CACNA1A: variants seen among roughly 807,000 people sequenced by gnomAD.
CACNA1A encodes calcium voltage-gated channel subunit alpha1 A, also known as voltage-dependent P/Q-type calcium channel subunit alpha-1A.
CACNA1A carries 57 observed loss-of-function variants against 262.4 expected under a neutral mutation model. That is an observed-to-expected ratio of 0.22 (90% CI 0.18 to 0.27). The LOEUF (loss-of-function observed/expected upper bound fraction) is 0.27. Among genes scored for constraint, CACNA1A ranks in the 10% least tolerant of loss-of-function variants. The pLI is 1.00. For synonymous variants in CACNA1A, 1,431 were observed against 1,419.3 expected, an observed-to-expected ratio of 1.01 and a Z score of -0.18; for missense variants, 2,526 against 3,562.8, an observed-to-expected ratio of 0.71 and a Z score of 7.41.
intron 10 of CACNA1A, among the ~76,000 whole-genome samples, chr19:13,320,446 C>G (rs942321268): frequency 2.6e-5 from 4 of 152,218 alleles, no homozygotes; most frequent in Non-Finnish European, 5.9e-5. Flanking sequence ...ATTAATACAT[C>G]TTAGCGTGAT....
intron 19 of CACNA1A, among the ~76,000 whole-genome samples, chr19:13,297,482 T>C (rs970982062): frequency 1.3e-5 from 2 of 152,148 alleles, no homozygotes; most frequent in Non-Finnish European, 1.5e-5. Flanking sequence ...GGGACCAGCC[T>C]GGGCAACAGA....
At chr19:13,247,254 C>G (rs902864768) in intron 30 of CACNA1A, among the ~76,000 whole-genome samples, 1 of 152,244 alleles carries the variant, frequency 6.6e-6, no homozygotes, top group South Asian at 2.1e-4. Flanking sequence ...TGCTTCCCTC[C>G]TAGGCGAAGT....
chr19:13,213,240 C>T (rs1358536936), intron 40 of CACNA1A, among the ~76,000 whole-genome samples: 2 of 152,200 alleles, frequency 1.3e-5, no homozygotes, highest in African/African-American at 2.4e-5. Context: ...AGGCACGGTC[C>T]AGCCTCAGAG....
In CACNA1A at chr19:13,347,531, T is replaced by G. The variant is rs1177945842; in HGVS notation, c.979-11622A>C. 2.0e-5 allele frequency among the ~76,000 whole-genome samples: 3 copies of G among 152,140 alleles called. No homozygotes were observed. The East Asian group carries it at 5.8e-4, about 29-fold the overall frequency. On this transcript the variant is annotated intron_variant, in intron 6 of 46. Coordinates refer to ENST00000360228, the MANE Select transcript of CACNA1A (RefSeq NM_001127222.2). Reference sequence around the variant, plus strand: ...AGCCACCTGTTTTTATAGGTTAACGTTTAATTGGCCCACAGCCATGCTCAT... The same window carrying G: ...AGCCACCTGTTTTTATAGGTTAACGGTTAATTGGCCCACAGCCATGCTCAT...
Position 13,214,835 on chromosome 19 carries a change from C to T in CACNA1A, c.5732-227G>A. The T allele has an allele frequency of 1.8e-6, 1 of 547,930 alleles. No homozygotes were observed. The highest frequency in any genetic ancestry group is 3.3e-6 in the Non-Finnish European group (1 of 307,122). The allele number at this position is 547,930 out of a possible 1,614,324, so 33.9% of individuals were successfully genotyped here. ...GGGCCAGGACCATGGAGCAGCTGTG[C>T]AGGAGACAGCCCGGCATGGAGAACA... On this transcript the variant is annotated intron_variant, in intron 38 of 46. Transcript: ENST00000360228. This position sits in a 1 kb window ranked among gnomAD's most constrained non-coding sequence, Gnocchi z 4.1.
At chr19:13,238,702 C>T (rs116975152) in intron 31 of CACNA1A, among the ~76,000 whole-genome samples, 3,150 of 151,934 alleles carry the variant, frequency 0.021, 43 homozygotes, top group Non-Finnish European at 0.034. Context: ...TCTCCTGTCT[C>T]GGCCTCCTGA....
At position 13,209,394 on chromosome 19, in the gene CACNA1A, G is replaced by T. The variant is rs780779363; in HGVS notation, c.6444C>A (p.Asn2148Lys). Residue 2148 changes from asparagine (N) to lysine (K), a missense_variant, in exon 45 of 47, where the codon AAC (asparagine) becomes AAA (lysine). Asn to Lys is a moderately conservative substitution (Grantham distance 94). Coordinates refer to ENST00000360228, the MANE Select transcript of CACNA1A (RefSeq NM_001127222.2). ...CGCGGCGCCGCTGGTGGTGCCGCTG[G>T]TTCTCCTCGGGCGGGACCCGCTCCA... ...YSLERVPPEE[N>K]QRHHQRRRDR... 7.8e-6 allele frequency: 11 copies of T among 1,402,818 alleles called. No individual in the cohort carries two copies. The highest frequency in any genetic ancestry group is 1.0e-5 in the Non-Finnish European group (11 of 1,075,228). The allele number at this position is 1,402,818 out of a possible 1,614,324, so 86.9% of individuals were successfully genotyped here.
chr19:13,207,520 G>C lies in CACNA1A; in HGVS notation c.7314C>G (p.Pro2438=), dbSNP rs1329646134. Residue 2438 remains proline (P), a synonymous_variant, in exon 47 of 47, where the codon CCC becomes CCG. Transcript: ENST00000360228. The surrounding 1 kb of genome is among the most constrained non-coding windows in gnomAD (Gnocchi z 5.7). Reference sequence around the variant, plus strand: ...CGCCCGAGGACGCGTGTCGTACGGGGGGTGGCGCGTCGTAGGCCCCGGCCA... The same window carrying C: ...CGCCCGAGGACGCGTGTCGTACGGGCGGTGGCGCGTCGTAGGCCCCGGCCA... ...EAMAGAYDAP[P]PVRHASSGAT... is the part of the protein sequence containing the mutation. The C allele has an allele frequency of 8.4e-6, 12 of 1,436,622 alleles. No individual in the cohort carries two copies. Among genetic ancestry groups the C allele is most frequent in the Non-Finnish European group, 1.1e-5 (12 of 1,097,454 alleles). 89.0% of individuals were successfully genotyped at this position (1,436,622 alleles called of 1,614,324 possible). A position where few individuals can be genotyped will look rare whatever the true frequency, so the allele number is the denominator to read the frequency against.
In CACNA1A at chr19:13,259,653, C is replaced by T; in HGVS notation, c.4299G>A (p.Arg1433=). The T allele has an allele frequency of 6.2e-6, 10 of 1,610,786 alleles. No homozygotes were observed. The highest frequency in any genetic ancestry group is 8.5e-6 in the Non-Finnish European group (10 of 1,178,530). Residue 1433 remains arginine, a synonymous_variant, in exon 27 of 47, where the codon CGG becomes CGA. Transcript: ENST00000360228. ...YEKNEVKARD[R]EWKKYEFHYD... is the part of the protein sequence containing the mutation. ...AATGGAATTCATACTTCTTCCACTC[C>T]CGGTCTCGCGCCTTCACCTCATTCT... is the stretch of plus-strand genomic sequence containing the variant.
chr19:13,330,651 T>C (rs888084852), intron 9 of CACNA1A, among the ~76,000 whole-genome samples: 6 of 152,202 alleles, frequency 3.9e-5, no homozygotes, highest in African/African-American at 1.4e-4. Context: ...CAGAGAGTGG[T>C]GTGATCTTGG....
intron 3 of CACNA1A, among the ~76,000 whole-genome samples, chr19:13,405,722 A>G (rs998856803): frequency 2.0e-5 from 3 of 152,196 alleles, no homozygotes; most frequent in African/African-American, 7.2e-5. Context: ...ACAGCTTGCA[A>G]GAAGGGGAGC....
intron 3 of CACNA1A, among the ~76,000 whole-genome samples, chr19:13,421,184 T>A (rs1388870690): frequency 1.3e-5 from 2 of 152,232 alleles, no homozygotes; most frequent in African/African-American, 2.4e-5. Context: ...AGTGACTTTG[T>A]GGAAGTGAGC....
intron 12 of CACNA1A, 94 bp downstream of exon 12, chr19:13,312,575 G>C (rs986172178): frequency 2.8e-6 from 2 of 713,352 alleles, no homozygotes; most frequent in Non-Finnish European, 4.8e-6. Context: ...TCATATTCAG[G>C]GGTGACTTTA....
At chr19:13,303,919 C>G in intron 15 of CACNA1A, 35 bp from the exon 16 acceptor site, 3 of 1,462,698 alleles carry the variant, frequency 2.1e-6, no homozygotes, top group Non-Finnish European at 2.9e-6. Flanking sequence ...AGCCAACCCC[C>G]CTCTCAGCCA....
intron 1 of CACNA1A, among the ~76,000 whole-genome samples, chr19:13,501,680 GACAGGACT>G (rs1982395558): frequency 6.6e-6 from 1 of 152,134 alleles, no homozygotes; most frequent in African/African-American, 2.4e-5. Context: ...CTGAAAGTTT[GACAGGACT>G]ACAATGCAGA....
chr19:13,480,341 T>C (rs886310786), intron 1 of CACNA1A, among the ~76,000 whole-genome samples: 1 of 152,244 alleles, frequency 6.6e-6, no homozygotes, highest in Admixed American at 6.5e-5. Flanking sequence ...TTCCAATTAA[T>C]GAATAGTAAA....
intron 3 of CACNA1A, among the ~76,000 whole-genome samples, chr19:13,372,216 C>A (rs978199614): frequency 2.0e-5 from 3 of 151,860 alleles, no homozygotes; most frequent in Non-Finnish European, 4.4e-5. Context: ...GGCTGGAGTG[C>A]GATCTCCAAT....
intron 38 of CACNA1A, among the ~76,000 whole-genome samples, chr19:13,224,075 G>A (rs1374055283): frequency 6.6e-6 from 1 of 152,034 alleles, no homozygotes; most frequent in South Asian, 2.1e-4. Context: ...GTCGAGGCAG[G>A]TGGATCACTT....
Position 13,283,412 on chromosome 19 carries a change from G to A in CACNA1A, c.3693-16C>T. On this transcript the variant is annotated splice_polypyrimidine_tract_variant and intron_variant, in intron 21 of 46. Transcript: ENST00000360228. ...GCGGCGAAGGCTGTTGGAGACAGAT[G>A]GGCGTGCAGAGGTCCACTCAGACCA... The A allele has an allele frequency of 1.2e-6, 2 of 1,613,712 alleles. No individual in the cohort carries two copies. Among genetic ancestry groups the A allele is most frequent in the African/African-American group, 1.3e-5 (1 of 75,012 alleles).
Sources: gnomAD v4.1 joint callset for allele counts (sites outside exome capture counted in the v4.1 genomes callset) on GRCh38, gnomAD v4.1.1 for gene constraint, Gnocchi (gnomAD v3.1) non-coding constraint, MANE v1.5 for transcripts, NCBI Gene and HGNC (gene_info 2026-07-23, HGNC 2026-07-21) for gene names.